TUBGCP2: variants seen among roughly 807,000 people sequenced by gnomAD.
The protein encoded by TUBGCP2 is gamma-tubulin complex component 2.
A neutral mutation model predicts 92.2 loss-of-function variants in TUBGCP2; 55 were observed. The ratio of observed to expected loss-of-function variants is 0.60; its 90% CI spans 0.48 to 0.75. TUBGCP2 has a LOEUF of 0.75. TUBGCP2 is among the 30% of genes least tolerant of loss of function. The probability of loss-of-function intolerance (pLI) is 0.00; values close to 1 mark genes in which losing one functional copy is unlikely to be tolerated. For synonymous variants in TUBGCP2, 533 were observed against 505.2 expected, an observed-to-expected ratio of 1.06 and a Z score of -0.74; for missense variants, 1,093 against 1,188.9, an observed-to-expected ratio of 0.92 and a Z score of 1.19.
chr10:133,293,605 G>T lies in TUBGCP2; in HGVS notation c.781C>A (p.His261Asn). Reference sequence around the variant, plus strand: ...CTGGCGGCCACTGGGAGGATCCTGTGCACCAGCTCCCTGATGGACAGGTCC... The same window carrying T: ...CTGGCGGCCACTGGGAGGATCCTGTTCACCAGCTCCCTGATGGACAGGTCC... ...NLDLSIRELV[H>N]RILPVAASYS... is the part of the protein sequence containing the mutation. The change falls in exon 6 of 18, where the codon CAC (histidine) becomes AAC (asparagine). Residue 261 changes from histidine (H) to asparagine (N), a missense_variant. By Grantham distance (68) the His-to-Asn change is moderately conservative. This residue lies in a region of TUBGCP2 where 490 missense variants were observed against 488.5 expected (regional missense o/e 1.00). Coordinates refer to ENST00000252936, the MANE Select transcript of TUBGCP2 (RefSeq NM_006659.4). The T allele has an allele frequency of 6.4e-7, 1 of 1,561,132 alleles. No individual in the cohort carries two copies. Among genetic ancestry groups the T allele is most frequent in the African/African-American group, 1.4e-5 (1 of 73,786 alleles).
chr10:133,302,874 TCTC>T lies in TUBGCP2; in HGVS notation c.65_67del (p.Gly22del), dbSNP rs1389244447. Reference sequence around the variant, plus strand: ...CAGGTCAATGTAGACCTCAGCCCCATCTCCTCCGTGGACACGCAGCAGGCTAAG... The same window carrying T: ...CAGGTCAATGTAGACCTCAGCCCCATCTCCGTGGACACGCAGCAGGCTAAG... On this transcript the variant is annotated inframe_deletion, in exon 2 of 18. Transcript: ENST00000252936. 6.2e-7 allele frequency: 1 copy of T among 1,614,024 alleles called. No individual in the cohort carries two copies. Among genetic ancestry groups the T allele is most frequent in the Admixed American group, 1.7e-5 (1 of 60,030 alleles).
At chr10:133,309,390 G>T, upstream of TUBGCP2, 2 of 1,611,336 alleles carry the variant, frequency 1.2e-6, no homozygotes, top group South Asian at 1.1e-5. Flanking sequence ...TTTCCTGCAG[G>T]ATGGGGACGT....
At chr10:133,284,078 G>A (rs878935336) in intron 13 of TUBGCP2, 76 bp from the exon 14 acceptor site, 10 of 1,575,074 alleles carry the variant, frequency 6.3e-6, no homozygotes, top group Admixed American at 1.8e-5. Flanking sequence ...CACGGAGGAC[G>A]GAGGACAGCC....
intron 8 of TUBGCP2, among the ~76,000 whole-genome samples, chr10:133,291,316 G>GTCGT (rs1564938933): frequency 5.0e-4 from 35 of 69,980 alleles, no homozygotes; most frequent in East Asian, 1.7e-3. Context: ...ACCTGTACGG[G>GTCGT]AGAGGGCAGC....
At chr10:133,294,865 C>G (rs1246431172) in intron 5 of TUBGCP2, among the ~76,000 whole-genome samples, 1 of 151,970 alleles carries the variant, frequency 6.6e-6, no homozygotes, top group African/African-American at 2.4e-5. Flanking sequence ...AATTCCATTT[C>G]TTTCTATTAC....
upstream of TUBGCP2, among the ~76,000 whole-genome samples, chr10:133,311,428 G>C (rs1457469518): frequency 6.6e-6 from 1 of 152,138 alleles, no homozygotes; most frequent in African/African-American, 2.4e-5. Context: ...CTCATAAAAA[G>C]ACCCGTGGCA....
chr10:133,302,898 C>A lies in TUBGCP2; in HGVS notation c.44G>T (p.Ser15Ile). Residue 15 changes from serine to isoleucine, a missense_variant, in exon 2 of 18, where the codon AGC becomes ATC. Coordinates refer to ENST00000252936, the MANE Select transcript of TUBGCP2 (RefSeq NM_006659.4). ...RIHHDVNELL[S>I]LLRVHGGDGA... The stretch of plus-strand genomic sequence containing the variant: ...ATCTCCTCCGTGGACACGCAGCAGG[C>A]TAAGCAGTTCATTGACGTCATGGTG... 6.2e-7 allele frequency: 1 copy of A among 1,614,040 alleles called. No homozygotes were observed. The highest frequency in any genetic ancestry group is 8.5e-7 in the Non-Finnish European group (1 of 1,180,000).
At chr10:133,309,509 T>G, upstream of TUBGCP2, 1 of 1,576,890 alleles carries the variant, frequency 6.3e-7, no homozygotes, top group Non-Finnish European at 8.6e-7. Context: ...CTGCGCCGCC[T>G]CCCTGACCGG....
At chr10:133,309,571 C>T (rs1361508334), upstream of TUBGCP2, 3 of 1,367,308 alleles carry the variant, frequency 2.2e-6, no homozygotes, top group Admixed American at 2.0e-5. Flanking sequence ...GCCGCCCCAC[C>T]GAGGCGCTGT....
chr10:133,289,967 T>C lies in TUBGCP2; in HGVS notation c.1217A>G (p.Glu406Gly). The change falls in exon 9 of 18, where the codon GAG (glutamate) becomes GGG (glycine). Residue 406 changes from glutamate to glycine, a missense_variant and splice_region_variant. By Grantham distance (98) the Glu-to-Gly change is moderately conservative. Transcript: ENST00000252936. ...CAGCTCGTGCTCCTCGACCATAAACTCACTAAAACCACAGGGAGCGCTTCG... is the reference window on the plus strand; with the variant it reads ...CAGCTCGTGCTCCTCGACCATAAACCCACTAAAACCACAGGGAGCGCTTCG... ...YRGIIHDPYS[E>G]FMVEEHELRK... 2 of 1,612,722 alleles carry C rather than the reference T, an allele frequency of 1.2e-6. No homozygotes were observed. Among genetic ancestry groups the C allele is most frequent in the Non-Finnish European group, 1.7e-6 (2 of 1,178,948 alleles).
At chr10:133,284,302 G>A (rs1484943501) in intron 13 of TUBGCP2, among the ~76,000 whole-genome samples, 1 of 152,218 alleles carries the variant, frequency 6.6e-6, no homozygotes, top group Non-Finnish European at 1.5e-5. Flanking sequence ...CCCACGCCAG[G>A]AAAGTGCCAC....
At chr10:133,310,468 C>T, upstream of TUBGCP2, 1 of 775,096 alleles carries the variant, frequency 1.3e-6, no homozygotes, top group Non-Finnish European at 2.0e-6. Flanking sequence ...CAGCGGCCAC[C>T]CTGCCGAAGG....
chr10:133,293,010 T>C (rs1398951265), intron 7 of TUBGCP2, 29 bp downstream of exon 7: 3 of 1,607,972 alleles, frequency 1.9e-6, no homozygotes, highest in African/African-American at 1.3e-5. Context: ...CACCCACCAC[T>C]GCCCCATGCC....
At chr10:133,283,706 GCACGCCCTGCCTCTCCCGCACT>G (rs759076271) in intron 14 of TUBGCP2, among the ~76,000 whole-genome samples, 154 bp downstream of exon 14, 2,851 of 23,144 alleles carry the variant, frequency 0.12, 51 homozygotes, top group Non-Finnish European at 0.26. Flanking sequence ...TGCCTCTCCC[GCACGCCCTGCCTCTCCCGCACT>G]CCCTGCCTCT....
At chr10:133,309,441 G>A (rs756377725), upstream of TUBGCP2, 12 of 1,612,364 alleles carry the variant, frequency 7.4e-6, no homozygotes, top group Non-Finnish European at 8.5e-6. Flanking sequence ...CATGCAGGTG[G>A]CCGACGTGCC....
chr10:133,293,026 G>A lies in TUBGCP2; in HGVS notation c.1024+13C>T, dbSNP rs377752072. 6.2e-7 allele frequency: 1 copy of A among 1,611,598 alleles called. No homozygotes were observed. The highest frequency in any genetic ancestry group is 2.2e-5 in the East Asian group (1 of 44,854). ...ACCCACCACTGCCCCATGCCCCCCG[G>A]GCGGGCACGCACCGAGGGAGGCCAG... On this transcript the variant is annotated intron_variant, in intron 7 of 17. Coordinates refer to ENST00000252936, the MANE Select transcript of TUBGCP2 (RefSeq NM_006659.4).
upstream of TUBGCP2, chr10:133,310,484 T>C: frequency 1.5e-6 from 1 of 673,598 alleles, no homozygotes; most frequent in African/African-American, 1.8e-5. Context: ...GAAGGGAGGC[T>C]GGAGGGGAGC....
chr10:133,292,469 TCCGTGTCCCCG>T lies in TUBGCP2; in HGVS notation c.1214+19_1214+29del. 1 of 902,496 alleles carries T rather than the reference TCCGTGTCCCCG, an allele frequency of 1.1e-6. No individual in the cohort carries two copies. The allele number at this position is 902,496 out of a possible 1,614,324, so 55.9% of individuals were successfully genotyped here. A position where few individuals can be genotyped will look rare whatever the true frequency, so the allele number is the denominator to read the frequency against. ...ATGTCCCTCCGTGTCCCCGTGTCCC[TCCGTGTCCCCG>T]TGTCCCGGGGAGCCCTACCTGTATG... On this transcript the variant is annotated intron_variant, in intron 8 of 17. Coordinates refer to ENST00000252936, the MANE Select transcript of TUBGCP2 (RefSeq NM_006659.4).
intron 1 of TUBGCP2, among the ~76,000 whole-genome samples, chr10:133,305,940 G>A (rs1227711573): frequency 6.6e-6 from 1 of 152,218 alleles, no homozygotes; most frequent in Non-Finnish European, 1.5e-5. Flanking sequence ...ACAAGGACAC[G>A]TCCTCTCCAA....
Sources: allele counts gnomAD v4.1 joint callset (sites outside exome capture counted in the v4.1 genomes callset), GRCh38; gene constraint gnomAD v4.1.1; regional missense constraint gnomAD v4.1.1; transcripts MANE v1.5; gene names NCBI Gene and HGNC (gene_info 2026-07-23, HGNC 2026-07-21).